Variants in KCNK2 observed in about 807,000 individuals in gnomAD.
KCNK2 encodes the protein potassium channel subfamily K member 2.
Under a neutral mutation model 40.5 loss-of-function variants are expected in KCNK2, and 21 were observed. The ratio of observed to expected loss-of-function variants is 0.52; its 90% confidence interval spans 0.37 to 0.75. KCNK2 has a LOEUF of 0.75. Among genes scored for constraint, KCNK2 ranks in the 30% least tolerant of loss-of-function variants. KCNK2 has a pLI of 0.00. For missense variants in KCNK2, 399 were observed against 531.6 expected, an observed-to-expected ratio of 0.75 and a Z score of 2.45; for synonymous variants, 191 against 202.2, an observed-to-expected ratio of 0.94 and a Z score of 0.47.
At position 215,082,918 on chromosome 1, in the gene KCNK2, G is replaced by A. The variant is rs1261296230; in HGVS notation, c.-468G>A. Among the ~76,000 whole-genome samples, 1 of 150,878 alleles carries A rather than the reference G, an allele frequency of 6.6e-6. No individual in the cohort carries two copies. Among genetic ancestry groups the A allele is most frequent in the Non-Finnish European group, 1.5e-5 (1 of 67,712 alleles). On this transcript the variant is annotated 5_prime_UTR_variant, in exon 1 of 7. Transcript: ENST00000444842. The stretch of plus-strand genomic sequence containing the variant: ...GAGGCTCGCGCACAAAGACGCCGGG[G>A]CGCACGGCAGCTGGGGCTGCACCCA...
intron 1 of KCNK2, among the ~76,000 whole-genome samples, chr1:215,050,102 G>T (rs72731091): frequency 1.9e-4 from 29 of 152,178 alleles, no homozygotes; most frequent in Non-Finnish European, 3.2e-4. Context: ...GGAGAATTGA[G>T]ATTTTTGCTA....
chr1:215,164,205 G>T (rs574074233), intron 3 of KCNK2, among the ~76,000 whole-genome samples: 1 of 152,142 alleles, frequency 6.6e-6, no homozygotes, highest in Non-Finnish European at 1.5e-5. Flanking sequence ...GTGTATTTGC[G>T]TAGCGGTGTT....
At chr1:215,090,687 A>G (rs541376829) in intron 2 of KCNK2, among the ~76,000 whole-genome samples, 11 of 152,312 alleles carry the variant, frequency 7.2e-5, no homozygotes, top group African/African-American at 2.4e-4. Flanking sequence ...TCTATGATCT[A>G]TATATTGACA....
intron 6 of KCNK2, among the ~76,000 whole-genome samples, chr1:215,203,906 C>T (rs551653453): frequency 4.6e-5 from 7 of 151,702 alleles, no homozygotes; most frequent in Non-Finnish European, 7.4e-5. Context: ...GGTGCGGTGG[C>T]GGGCGCCTGT....
At chr1:215,231,740 C>G (rs1224824120) in intron 6 of KCNK2, among the ~76,000 whole-genome samples, 1 of 152,068 alleles carries the variant, frequency 6.6e-6, no homozygotes, top group Non-Finnish European at 1.5e-5. Context: ...TAAAGACATA[C>G]CTGAGACTCA....
intron 1 of KCNK2, among the ~76,000 whole-genome samples, chr1:215,060,110 T>C (rs1305441497): frequency 6.6e-6 from 1 of 152,136 alleles, no homozygotes; most frequent in Non-Finnish European, 1.5e-5. Context: ...GGTACTGAGG[T>C]GAGAGCCAAC....
intron 1 of KCNK2, among the ~76,000 whole-genome samples, chr1:215,058,492 C>T (rs898493177): frequency 2.0e-5 from 3 of 152,154 alleles, no homozygotes; most frequent in Non-Finnish European, 4.4e-5. Context: ...AAAGTATGCG[C>T]TAAACTTATC....
chr1:215,171,935 TCTCTCTCC>T lies in KCNK2; in HGVS notation c.637-60_637-53del. ...CTCTCTCTTTGTCTCTCTCTCTCTC[TCTCTCTCC>T]CCCCATTTATATACATATATATATA... On this transcript the variant is annotated intron_variant, in intron 4 of 6. Coordinates refer to ENST00000444842, the MANE Select transcript of KCNK2 (RefSeq NM_001017425.3). 10 of 1,119,216 alleles carry T rather than the reference TCTCTCTCC, an allele frequency of 8.9e-6. No individual in the cohort carries two copies. In the African/African-American group the frequency reaches 9.5e-5, roughly 11 times the overall value. The allele number at this position is 1,119,216 out of a possible 1,614,324, so 69.3% of individuals were successfully genotyped here.
At chr1:215,172,235 A>G in intron 5 of KCNK2, 52 bp downstream of exon 5, 2 of 1,481,500 alleles carry the variant, frequency 1.3e-6, no homozygotes, top group African/African-American at 1.4e-5. Context: ...TTTATTAGAT[A>G]GATTTTTCAC....
chr1:215,041,323 T>C (rs1657553537), intron 1 of KCNK2, among the ~76,000 whole-genome samples: 1 of 152,164 alleles, frequency 6.6e-6, no homozygotes, highest in Admixed American at 6.5e-5. Flanking sequence ...TTAAATATGA[T>C]AGTACACGTA....
intron 5 of KCNK2, among the ~76,000 whole-genome samples, chr1:215,186,177 G>A (rs528453951): frequency 1.3e-5 from 2 of 152,282 alleles, no homozygotes; most frequent in African/African-American, 2.4e-5. Flanking sequence ...GAGAGGCCAA[G>A]GCAGGAAGAT....
intron 1 of KCNK2, among the ~76,000 whole-genome samples, chr1:215,084,795 G>GA (rs1333412356): frequency 3.9e-5 from 6 of 152,128 alleles, no homozygotes; most frequent in Middle Eastern, 3.2e-3. Context: ...TATGTACATG[G>GA]AATCTCCACT....
chr1:215,200,028 G>A (rs984116974), intron 6 of KCNK2, among the ~76,000 whole-genome samples: 5 of 152,164 alleles, frequency 3.3e-5, no homozygotes, highest in African/African-American at 1.2e-4. Flanking sequence ...GTGTTGTCAG[G>A]CTGGGTGGCA....
chr1:215,132,944 C>A (rs1661741132), intron 3 of KCNK2, among the ~76,000 whole-genome samples: 1 of 152,202 alleles, frequency 6.6e-6, no homozygotes. Context: ...AGAAGAGCAC[C>A]TAGTACCCAG....
At chr1:215,175,140 C>A (rs1416416640) in intron 5 of KCNK2, among the ~76,000 whole-genome samples, 4 of 152,020 alleles carry the variant, frequency 2.6e-5, no homozygotes. Flanking sequence ...GAGATACGTC[C>A]CATCAATGCC....
chr1:215,145,637 G>A (rs1662383168), intron 3 of KCNK2, among the ~76,000 whole-genome samples: 1 of 152,084 alleles, frequency 6.6e-6, no homozygotes, highest in Middle Eastern at 3.2e-3. Context: ...TCAGTTTACT[G>A]CTATAGTAGA....
intron 3 of KCNK2, among the ~76,000 whole-genome samples, chr1:215,143,521 T>C (rs984468634): frequency 2.0e-5 from 3 of 152,182 alleles, no homozygotes; most frequent in Non-Finnish European, 4.4e-5. Context: ...GTTATGAAAT[T>C]TCATTCTTAT....
At chr1:215,229,874 C>T (rs979457161) in intron 6 of KCNK2, among the ~76,000 whole-genome samples, 2 of 151,656 alleles carry the variant, frequency 1.3e-5, no homozygotes, top group Non-Finnish European at 2.9e-5. Context: ...GCTCTGCACT[C>T]CTCTAAAAGA....
chr1:215,190,940 G>A (rs1664638617), intron 5 of KCNK2, among the ~76,000 whole-genome samples: 2 of 151,620 alleles, frequency 1.3e-5, no homozygotes, highest in African/African-American at 2.4e-5. Context: ...TATTAACTGG[G>A]TTAGGCAGGG....
Sources: allele counts gnomAD v4.1 joint callset (sites outside exome capture counted in the v4.1 genomes callset), GRCh38; gene constraint gnomAD v4.1.1; transcripts MANE v1.5; gene names NCBI Gene and HGNC (gene_info 2026-07-23, HGNC 2026-07-21).